SMIM13: variants seen among roughly 807,000 people sequenced by gnomAD.
SMIM13 encodes small integral membrane protein 13, also known as UPF0766 protein C6orf228.
A neutral mutation model predicts 5.9 loss-of-function variants in SMIM13; 3 were observed. The observed-to-expected ratio is 0.51, with a 90% CI of 0.23 to 1.31. SMIM13 has a LOEUF of 1.31. Ranked by LOEUF, SMIM13 falls within the 40% of genes most tolerant of loss-of-function variation. SMIM13 has a pLI of 0.18. For missense variants in SMIM13, 85 were observed against 109.9 expected (o/e 0.77, Z 1.01); for synonymous variants, 55 against 46.0 (o/e 1.19, Z -0.79).
chr6:11,096,601 G>A (rs7762399), intron 1 of SMIM13, among the ~76,000 whole-genome samples: 117,241 of 152,082 alleles, frequency 0.77, 45,951 homozygotes, highest in African/African-American at 0.9. Flanking sequence ...GAGAGAAATT[G>A]GAGTGCGATA....
At chr6:11,134,370 A>G in intron 1 of SMIM13, 33 bp from the exon 2 acceptor site, 1 of 1,496,122 alleles carries the variant, frequency 6.7e-7, no homozygotes, top group Non-Finnish European at 9.1e-7. Flanking sequence ...TGTGTGTAAT[A>G]ACTTTTCTTA....
At chr6:11,103,305 G>A (rs191248503) in intron 1 of SMIM13, 59 of 182,014 alleles carry the variant, frequency 3.2e-4, no homozygotes, top group African/African-American at 1.4e-3. Flanking sequence ...GGAGGCCATC[G>A]TTCCCTGGCG....
intron 1 of SMIM13, chr6:11,102,389 G>A (rs1261887953): frequency 2.0e-5 from 3 of 152,200 alleles, no homozygotes; most frequent in Admixed American, 1.3e-4. Context: ...GAGGTAAAAT[G>A]TGTTGATTAC....
chr6:11,096,431 A>G (rs1008189197), intron 1 of SMIM13, among the ~76,000 whole-genome samples: 1 of 152,218 alleles, frequency 6.6e-6, no homozygotes, highest in Admixed American at 6.5e-5. Flanking sequence ...GTGCTAGGAC[A>G]CCTTAGTTTT....
intron 1 of SMIM13, among the ~76,000 whole-genome samples, chr6:11,116,994 T>C (rs1174225807): frequency 2.5e-5 from 3 of 121,804 alleles, no homozygotes; most frequent in Non-Finnish European, 5.2e-5. Context: ...TTTTTTTTTT[T>C]TTTTTTTTTT....
intron 1 of SMIM13, chr6:11,103,227 C>G (rs547422190): frequency 6.2e-6 from 1 of 160,864 alleles, no homozygotes; most frequent in African/African-American, 2.4e-5. Flanking sequence ...CTTGAGCCTG[C>G]GCACCCAACT....
intron 1 of SMIM13, chr6:11,104,515 A>G: frequency 6.4e-7 from 1 of 1,564,654 alleles, no homozygotes; most frequent in Non-Finnish European, 8.7e-7. Context: ...ATGCCCAGGT[A>G]GCTGGTGGCT....
rs1010209762 is a variant in SMIM13, at chr6:11,135,814, T to C, written c.*1212T>C. On this transcript the variant is annotated 3_prime_UTR_variant, in exon 2 of 2. Transcript: ENST00000416247. ...ATAAATATAAACATTTTCTGTGATATGAAAGCATTGTGTCATAGTTTAATG... is the reference window on the plus strand; with the variant it reads ...ATAAATATAAACATTTTCTGTGATACGAAAGCATTGTGTCATAGTTTAATG... 8.5e-5 allele frequency: 13 copies of C among 152,256 alleles called. No individual in the cohort carries two copies. Among genetic ancestry groups the C allele is most frequent in the African/African-American group, 2.7e-4 (11 of 41,466 alleles). The allele number at this position is 152,256 out of a possible 1,614,324, so 9.4% of individuals were successfully genotyped here.
At chr6:11,102,697 T>C (rs1758012729) in intron 1 of SMIM13, 1 of 152,234 alleles carries the variant, frequency 6.6e-6, no homozygotes, top group Admixed American at 6.5e-5. Flanking sequence ...CTTGTTTGGC[T>C]GTTTACACTG....
At chr6:11,116,982 C>CTTTTTTTTTTTTTTTTTTTTTTT (rs68092921) in intron 1 of SMIM13, among the ~76,000 whole-genome samples, 1 of 46,452 alleles carries the variant, frequency 2.2e-5, no homozygotes, top group Non-Finnish European at 3.9e-5. Context: ...ATAATTGTTT[C>CTTTTTTTTTTTTTTTTTTTTTTT]TTTTTTTTTT....
chr6:11,129,062 G>A (rs1486531369), intron 1 of SMIM13, among the ~76,000 whole-genome samples: 1 of 138,528 alleles, frequency 7.2e-6, no homozygotes, highest in Non-Finnish European at 1.6e-5. Flanking sequence ...GTTCAATTTG[G>A]CATTGCTACC....
At chr6:11,110,752 G>C (rs68037813) in intron 1 of SMIM13, among the ~76,000 whole-genome samples, 17,168 of 152,212 alleles carry the variant, frequency 0.11, 1,254 homozygotes, top group Middle Eastern at 0.17. Flanking sequence ...ATTTGAGAGG[G>C]CAACGTTTAT....
chr6:11,103,497 G>C (rs555394480), intron 1 of SMIM13: 723 of 738,142 alleles, frequency 9.8e-4, no homozygotes, highest in Non-Finnish European at 1.1e-3. Flanking sequence ...GAAAATGGAC[G>C]AAGGTCAGTC....
At chr6:11,114,845 C>T (rs1354523305) in intron 1 of SMIM13, among the ~76,000 whole-genome samples, 3 of 152,040 alleles carry the variant, frequency 2.0e-5, no homozygotes, top group Middle Eastern at 6.3e-3. Context: ...AGTGATCCAC[C>T]TACCTTGGCC....
intron 1 of SMIM13, among the ~76,000 whole-genome samples, chr6:11,111,330 G>A (rs1454072736): frequency 1.3e-5 from 2 of 152,212 alleles, no homozygotes; most frequent in Admixed American, 6.5e-5. Flanking sequence ...AGGAAAATAG[G>A]TGGTGGTGGG....
chr6:11,132,117 T>C (rs1274078410), intron 1 of SMIM13, among the ~76,000 whole-genome samples: 1 of 151,930 alleles, frequency 6.6e-6, no homozygotes, highest in Non-Finnish European at 1.5e-5. Flanking sequence ...GCAAAAGAAA[T>C]GAATAGATAT....
chr6:11,110,854 G>C (rs1380007189), intron 1 of SMIM13, among the ~76,000 whole-genome samples: 1 of 152,178 alleles, frequency 6.6e-6, no homozygotes, highest in Non-Finnish European at 1.5e-5. Context: ...TCCCCACAAA[G>C]GGGTGCTAAC....
intron 1 of SMIM13, among the ~76,000 whole-genome samples, chr6:11,131,851 G>A (rs1159175579): frequency 2.0e-5 from 3 of 152,018 alleles, no homozygotes; most frequent in Admixed American, 6.6e-5. Context: ...TCTTCATGAC[G>A]TAGGATTGGT....
chr6:11,129,713 G>A (rs1279987323), intron 1 of SMIM13, among the ~76,000 whole-genome samples: 1 of 152,124 alleles, frequency 6.6e-6, no homozygotes, highest in Non-Finnish European at 1.5e-5. Flanking sequence ...GTGCCATGCT[G>A]TGTTGGTTGC....
Sources: allele counts gnomAD v4.1 joint callset (sites outside exome capture counted in the v4.1 genomes callset), GRCh38; gene constraint gnomAD v4.1.1; transcripts MANE v1.5; gene names NCBI Gene and HGNC (gene_info 2026-07-23, HGNC 2026-07-21).